Variants in LRRC3B observed in about 807,000 individuals in gnomAD.
LRRC3B encodes the protein leucine rich repeat containing 3B, also known as leucine-rich repeat-containing protein 3B.
LRRC3B carries 2 observed loss-of-function variants against 12.8 expected under a neutral mutation model. The observed-to-expected ratio is 0.16, with a 90% confidence interval of 0.06 to 0.49. The LOEUF (loss-of-function observed/expected upper bound fraction) is 0.49, where lower values mean the gene tolerates loss of function less well. Ranked by LOEUF, LRRC3B falls within the 20% of genes least tolerant of loss-of-function variation. The probability of loss-of-function intolerance (pLI) is 0.96; values close to 1 mark genes in which losing one functional copy is unlikely to be tolerated. For synonymous variants in LRRC3B, 132 were observed against 122.0 expected (o/e 1.08, Z -0.54); for missense variants, 189 against 319.4 (o/e 0.59, Z 3.11).
chr3:26,706,499 A>AAAGC (rs1448252756), intron 1 of LRRC3B, among the ~76,000 whole-genome samples: 1 of 152,204 alleles, frequency 6.6e-6, no homozygotes, highest in Non-Finnish European at 1.5e-5. Flanking sequence ...AACTCCTCTG[A>AAAGC]AAGCAAGGCG....
chr3:26,659,845 C>G (rs17018501), intron 1 of LRRC3B, among the ~76,000 whole-genome samples: 1 of 152,098 alleles, frequency 6.6e-6, no homozygotes, highest in Non-Finnish European at 1.5e-5. Flanking sequence ...AAGTGTTAGC[C>G]CATCTGGGTT....
At chr3:26,662,189 C>G (rs79571228) in intron 1 of LRRC3B, among the ~76,000 whole-genome samples, 35 of 152,138 alleles carry the variant, frequency 2.3e-4, no homozygotes, top group African/African-American at 7.7e-4. Context: ...CTAACTTGTC[C>G]TATCTTATTT....
chr3:26,694,415 T>C (rs1353877097), intron 1 of LRRC3B: 1 of 152,104 alleles, frequency 6.6e-6, no homozygotes, highest in Non-Finnish European at 1.5e-5. Flanking sequence ...GACTTATGAC[T>C]TCATAATATT....
chr3:26,674,983 G>A (rs1044150273), intron 1 of LRRC3B, among the ~76,000 whole-genome samples: 9 of 152,112 alleles, frequency 5.9e-5, no homozygotes, highest in African/African-American at 1.4e-4. Context: ...TTGATATTCC[G>A]TGACATGACT....
intron 1 of LRRC3B, among the ~76,000 whole-genome samples, chr3:26,668,280 C>T (rs1416044185): frequency 2.0e-5 from 3 of 151,922 alleles, no homozygotes; most frequent in African/African-American, 4.8e-5. Flanking sequence ...TATGAGGGGC[C>T]GTTAACAGAG....
At chr3:26,695,525 T>TCAAACATA (rs1559370380) in intron 1 of LRRC3B, among the ~76,000 whole-genome samples, 1 of 151,354 alleles carries the variant, frequency 6.6e-6, no homozygotes. Flanking sequence ...AGACAACATC[T>TCAAACATA]CAAACAAACA....
At chr3:26,633,606 A>T (rs1376588148) in intron 1 of LRRC3B, among the ~76,000 whole-genome samples, 1 of 152,194 alleles carries the variant, frequency 6.6e-6, no homozygotes, top group African/African-American at 2.4e-5. Flanking sequence ...TCAATTTTTC[A>T]TGGAACCAGG....
chr3:26,632,873 G>T (rs562189458), intron 1 of LRRC3B, among the ~76,000 whole-genome samples: 1 of 151,970 alleles, frequency 6.6e-6, no homozygotes, highest in Non-Finnish European at 1.5e-5. Flanking sequence ...TGGTGTGTTC[G>T]AACTGGCCTG....
intron 1 of LRRC3B, among the ~76,000 whole-genome samples, chr3:26,655,347 CTT>C (rs1699351604): frequency 6.6e-6 from 1 of 152,180 alleles, no homozygotes; most frequent in African/African-American, 2.4e-5. Flanking sequence ...CTATTTCTCT[CTT>C]ACGCTCTGAA....
chr3:26,680,125 G>A (rs1699940441), intron 1 of LRRC3B, among the ~76,000 whole-genome samples: 1 of 152,126 alleles, frequency 6.6e-6, no homozygotes, highest in African/African-American at 2.4e-5. Flanking sequence ...AGTATTTCTA[G>A]GACTCTCCCA....
At chr3:26,692,408 A>C (rs1700210196) in intron 1 of LRRC3B, among the ~76,000 whole-genome samples, 1 of 152,236 alleles carries the variant, frequency 6.6e-6, no homozygotes, top group Non-Finnish European at 1.5e-5. Flanking sequence ...TTTATTATTC[A>C]GATTACACCT....
intron 1 of LRRC3B, among the ~76,000 whole-genome samples, chr3:26,684,989 T>C (rs1700044525): frequency 6.6e-6 from 1 of 152,068 alleles, no homozygotes; most frequent in Non-Finnish European, 1.5e-5. Flanking sequence ...GTTTTGCTCT[T>C]GTTGCCCAGG....
At chr3:26,636,437 C>A (rs1364184019) in intron 1 of LRRC3B, among the ~76,000 whole-genome samples, 1 of 152,088 alleles carries the variant, frequency 6.6e-6, no homozygotes, top group African/African-American at 2.4e-5. Flanking sequence ...AATGGAGAAG[C>A]AATTTCCTCA....
intron 1 of LRRC3B, among the ~76,000 whole-genome samples, chr3:26,651,620 T>A (rs1261563270): frequency 2.6e-5 from 4 of 152,038 alleles, no homozygotes; most frequent in Non-Finnish European, 5.9e-5. Context: ...AATGAATGAA[T>A]GAATGAAGTG....
At chr3:26,646,402 C>T (rs1393711618) in intron 1 of LRRC3B, among the ~76,000 whole-genome samples, 1 of 152,022 alleles carries the variant, frequency 6.6e-6, no homozygotes, top group East Asian at 1.9e-4. Context: ...ACTTATATTG[C>T]ATTCTCCTTG....
At chr3:26,656,304 A>G (rs1405145778) in intron 1 of LRRC3B, among the ~76,000 whole-genome samples, 1 of 152,092 alleles carries the variant, frequency 6.6e-6, no homozygotes, top group Non-Finnish European at 1.5e-5. Flanking sequence ...CCACAACAAA[A>G]GTTTATTTCT....
rs574396563 is a variant in LRRC3B at position 26,675,491 on chromosome 3, C to A, written c.-160-34022C>A. Among the ~76,000 whole-genome samples, 11 of 152,336 alleles carry A rather than the reference C, an allele frequency of 7.2e-5. No individual in the cohort carries two copies. The East Asian group carries it at 2.1e-3, about 29-fold the overall frequency. ...TGGCATGGAAACAGTTAATTCTCAA[C>A]TTCTTTCAGTTTGCCCAGAATATTC... On this transcript the variant is annotated intron_variant, in intron 1 of 1. Transcript: ENST00000396641.
At chr3:26,660,566 A>C (rs1013896483) in intron 1 of LRRC3B, among the ~76,000 whole-genome samples, 4 of 152,220 alleles carry the variant, frequency 2.6e-5, no homozygotes, top group African/African-American at 9.6e-5. Context: ...GGGTTCATTT[A>C]GGTTTTTGAA....
intron 1 of LRRC3B, among the ~76,000 whole-genome samples, chr3:26,670,598 A>G (rs191908448): frequency 1.3e-5 from 2 of 152,326 alleles, no homozygotes; most frequent in East Asian, 3.9e-4. Context: ...TACTACATCA[A>G]GGGTTTTATT....
Sources: allele counts gnomAD v4.1 joint callset (sites outside exome capture counted in the v4.1 genomes callset), GRCh38; gene constraint gnomAD v4.1.1; transcripts MANE v1.5; gene names NCBI Gene and HGNC (gene_info 2026-07-23, HGNC 2026-07-21).